GABRB1: variants seen among roughly 807,000 people sequenced by gnomAD.
GABRB1 encodes gamma-aminobutyric acid type A receptor subunit beta1, also known as gamma-aminobutyric acid receptor subunit beta-1.
In GABRB1, 17 loss-of-function variants were observed where a neutral mutation model predicts 51.6. The observed-to-expected ratio is 0.33, with a 90% confidence interval of 0.23 to 0.49. The LOEUF (loss-of-function observed/expected upper bound fraction) is 0.49. GABRB1 is among the 20% of genes least tolerant of loss of function. The pLI is 0.99. For synonymous variants in GABRB1, 247 were observed against 218.9 expected (o/e 1.13, Z -1.14); for missense variants, 410 against 600.6 (o/e 0.68, Z 3.32).
chr4:47,174,683 T>C (rs1718589033), intron 4 of GABRB1, among the ~76,000 whole-genome samples: 1 of 152,140 alleles, frequency 6.6e-6, no homozygotes, highest in Non-Finnish European at 1.5e-5. Context: ...ACTCAAGGTA[T>C]TTTTCGCTTA....
At chr4:47,425,530 A>C (rs1729252644) in intron 8 of GABRB1, 144 bp from the exon 9 acceptor site, 1 of 637,352 alleles carries the variant, frequency 1.6e-6, no homozygotes, top group Non-Finnish European at 2.8e-6. Context: ...CGATCGATCT[A>C]TCTCCACATC....
chr4:47,114,252 T>C (rs1255527377), intron 3 of GABRB1, among the ~76,000 whole-genome samples: 1 of 152,198 alleles, frequency 6.6e-6, no homozygotes, highest in East Asian at 1.9e-4. Context: ...CCTGCACAGG[T>C]CATCCTCAGA....
rs1729292244 is a variant in GABRB1 at position 47,426,266 on chromosome 4, T to A, written c.*248T>A. ...TCTTTAAGAGCTCTATTAATTGCCATGTTTACAAACAAACACAAAGAGAGA... is the reference window on the plus strand; with the variant it reads ...TCTTTAAGAGCTCTATTAATTGCCAAGTTTACAAACAAACACAAAGAGAGA... On this transcript the variant is annotated 3_prime_UTR_variant, in exon 9 of 9. Coordinates refer to ENST00000295454, the MANE Select transcript of GABRB1 (RefSeq NM_000812.4). The A allele has an allele frequency of 9.3e-6, 3 of 321,974 alleles. No homozygotes were observed. The highest frequency in any genetic ancestry group is 1.7e-5 in the Non-Finnish European group (3 of 177,420). The allele number at this position is 321,974 out of a possible 1,614,324, so 19.9% of individuals were successfully genotyped here.
chr4:47,048,780 A>T (rs1335222624), intron 3 of GABRB1, among the ~76,000 whole-genome samples: 1 of 152,168 alleles, frequency 6.6e-6, no homozygotes, highest in Non-Finnish European at 1.5e-5. Context: ...GGGCTGTCTG[A>T]CTTCAGAGTC....
At chr4:47,086,472 G>A (rs10011533) in intron 3 of GABRB1, among the ~76,000 whole-genome samples, 2,217 of 152,118 alleles carry the variant, frequency 0.015, 46 homozygotes, top group African/African-American at 0.051. Flanking sequence ...ACTGAAAAAC[G>A]TGAACACTAG....
intron 5 of GABRB1, among the ~76,000 whole-genome samples, chr4:47,369,236 G>A (rs1212979859): frequency 1.3e-5 from 2 of 152,168 alleles, no homozygotes; most frequent in East Asian, 3.9e-4. Flanking sequence ...AGTGGACAGA[G>A]GATAGGACTG....
intron 4 of GABRB1, among the ~76,000 whole-genome samples, chr4:47,199,365 T>C (rs1238376944): frequency 1.3e-5 from 2 of 152,116 alleles, no homozygotes; most frequent in Non-Finnish European, 2.9e-5. Flanking sequence ...ACAGAGGCCT[T>C]TTTGAATATA....
At chr4:47,201,174 AT>A (rs1361467075) in intron 4 of GABRB1, among the ~76,000 whole-genome samples, 2 of 152,172 alleles carry the variant, frequency 1.3e-5, no homozygotes, top group African/African-American at 4.8e-5. Context: ...TACAAAAAAA[AT>A]ATTGAGGAAC....
intron 3 of GABRB1, among the ~76,000 whole-genome samples, chr4:47,045,769 G>A (rs4574382): frequency 0.55 from 82,979 of 151,726 alleles, 23,220 homozygotes; most frequent in African/African-American, 0.66. Flanking sequence ...ACCTCCAAAT[G>A]TTGTTATATC....
At chr4:47,308,298 A>G (rs1015327910) in intron 4 of GABRB1, among the ~76,000 whole-genome samples, 1 of 152,096 alleles carries the variant, frequency 6.6e-6, no homozygotes, top group Non-Finnish European at 1.5e-5. Context: ...AAAAATGAAA[A>G]GACATACTAC....
chr4:47,239,530 A>G (rs112435098), intron 4 of GABRB1, among the ~76,000 whole-genome samples: 1,978 of 152,290 alleles, frequency 0.013, 38 homozygotes, highest in African/African-American at 0.046. Flanking sequence ...AACGGGCCCC[A>G]TCATTTCTAT....
At chr4:47,061,119 G>C (rs1483868736) in intron 3 of GABRB1, among the ~76,000 whole-genome samples, 2 of 152,018 alleles carry the variant, frequency 1.3e-5, no homozygotes, top group South Asian at 2.1e-4. Flanking sequence ...TTTTCTAAAG[G>C]CTTTGACATG....
chr4:47,193,699 G>A (rs1305159759), intron 4 of GABRB1, among the ~76,000 whole-genome samples: 1 of 152,144 alleles, frequency 6.6e-6, no homozygotes, highest in African/African-American at 2.4e-5. Flanking sequence ...AAAGCATTTA[G>A]TCTAAACCTA....
At chr4:47,095,396 A>G (rs897357050) in intron 3 of GABRB1, among the ~76,000 whole-genome samples, 2 of 152,104 alleles carry the variant, frequency 1.3e-5, no homozygotes, top group Admixed American at 1.3e-4. Flanking sequence ...GCCCAGAACA[A>G]GAAGAGAGGA....
At chr4:47,262,845 A>G (rs1722495419) in intron 4 of GABRB1, among the ~76,000 whole-genome samples, 3 of 152,092 alleles carry the variant, frequency 2.0e-5, no homozygotes, top group Non-Finnish European at 4.4e-5. Flanking sequence ...CATATGCACC[A>G]TGGAATACTA....
intron 5 of GABRB1, among the ~76,000 whole-genome samples, chr4:47,331,397 G>GCAAT (rs1425824685): frequency 6.6e-6 from 1 of 152,020 alleles, no homozygotes. Flanking sequence ...AATTAGTTTT[G>GCAAT]CAATCAACTT....
At chr4:47,326,008 A>C (rs1269777546) in intron 5 of GABRB1, among the ~76,000 whole-genome samples, 1 of 152,188 alleles carries the variant, frequency 6.6e-6, no homozygotes, top group Admixed American at 6.5e-5. Flanking sequence ...TTGTCTGAAA[A>C]TATTAAATGG....
At chr4:47,376,756 G>A (rs201599150) in intron 5 of GABRB1, among the ~76,000 whole-genome samples, 13 of 113,066 alleles carry the variant, frequency 1.1e-4, no homozygotes, top group Middle Eastern at 5.7e-3. Flanking sequence ...AAAGGAAATG[G>A]AAGGAAATGG....
chr4:47,080,927 C>T (rs1727815874), intron 3 of GABRB1, among the ~76,000 whole-genome samples: 1 of 152,084 alleles, frequency 6.6e-6, no homozygotes, highest in African/African-American at 2.4e-5. Flanking sequence ...ACTGGTCTAG[C>T]TATACTTAAC....
Sources: allele counts gnomAD v4.1 joint callset (sites outside exome capture counted in the v4.1 genomes callset), GRCh38; gene constraint gnomAD v4.1.1; transcripts MANE v1.5; gene names NCBI Gene and HGNC (gene_info 2026-07-23, HGNC 2026-07-21).